SRGAP3: variants seen among roughly 807,000 people sequenced by gnomAD.
SRGAP3 encodes SLIT-ROBO Rho GTPase activating protein 3.
Under a neutral mutation model 121.1 loss-of-function variants are expected in SRGAP3, and 39 were observed. That is an observed-to-expected ratio of 0.32 (90% CI 0.25 to 0.42). SRGAP3 has a LOEUF of 0.42. Among genes scored for constraint, SRGAP3 ranks in the 10% least tolerant of loss-of-function variants. The pLI is 1.00. For missense variants in SRGAP3, 1,213 were observed against 1,470.6 expected (o/e 0.82, Z 2.86); for synonymous variants, 601 against 570.0 (o/e 1.05, Z -0.77).
intron 3 of SRGAP3, among the ~76,000 whole-genome samples, chr3:9,311,623 CAT>C (rs1185510588): frequency 2.6e-5 from 4 of 152,214 alleles, no homozygotes; most frequent in African/African-American, 9.6e-5. Context: ...ATCATTTTCA[CAT>C]GTCACAAAAT....
At chr3:9,185,676 C>T (rs1248876662) in intron 1 of SRGAP3, among the ~76,000 whole-genome samples, 5 of 151,958 alleles carry the variant, frequency 3.3e-5, no homozygotes, top group Non-Finnish European at 5.9e-5. Flanking sequence ...GGACTATAGG[C>T]GTGTGTCACT....
intron 4 of SRGAP3, among the ~76,000 whole-genome samples, chr3:9,078,919 G>GA (rs945581919): frequency 9.2e-5 from 14 of 152,016 alleles, no homozygotes; most frequent in East Asian, 3.9e-4. Flanking sequence ...TGAGGCCCAG[G>GA]AAAAAAAATG....
intron 21 of SRGAP3, among the ~76,000 whole-genome samples, chr3:8,986,911 A>G (rs1209221773): frequency 6.6e-6 from 1 of 152,206 alleles, no homozygotes; most frequent in Non-Finnish European, 1.5e-5. Context: ...TCACCATGCC[A>G]CAGGGCAGCT....
chr3:9,144,399 T>C (rs1024880802), intron 1 of SRGAP3, among the ~76,000 whole-genome samples: 1 of 152,346 alleles, frequency 6.6e-6, no homozygotes, highest in East Asian at 1.9e-4. Flanking sequence ...CTGATGCAGA[T>C]TCCTCTGCCT....
chr3:9,188,142 A>G (rs1288782495), intron 1 of SRGAP3, among the ~76,000 whole-genome samples: 1 of 152,232 alleles, frequency 6.6e-6, no homozygotes, highest in Non-Finnish European at 1.5e-5. Flanking sequence ...TTATACTTCA[A>G]TAACACAGAT....
intron 1 of SRGAP3, chr3:9,349,331 C>G (rs2029935102): frequency 5.0e-6 from 2 of 402,072 alleles, no homozygotes; most frequent in Non-Finnish European, 4.8e-6. Context: ...CCAGTGGCTC[C>G]CATTTTCATT....
At chr3:9,068,961 CA>C (rs971434437) in intron 4 of SRGAP3, among the ~76,000 whole-genome samples, 4 of 152,018 alleles carry the variant, frequency 2.6e-5, no homozygotes, top group Non-Finnish European at 4.4e-5. Flanking sequence ...ATTTATTTCT[CA>C]AAAAAACCCT....
intron 4 of SRGAP3, among the ~76,000 whole-genome samples, chr3:9,072,854 T>C (rs1456305978): frequency 1.3e-5 from 2 of 152,220 alleles, no homozygotes; most frequent in African/African-American, 2.4e-5. Context: ...AGTCAGGAGA[T>C]ATGCTTCTCT....
At chr3:9,211,665 C>CTT (rs1193329370) in intron 1 of SRGAP3, among the ~76,000 whole-genome samples, 8 of 121,138 alleles carry the variant, frequency 6.6e-5, no homozygotes, top group South Asian at 5.4e-4. Context: ...TCTTTCTTTT[C>CTT]TTTTTTTTTT....
Position 9,051,017 on chromosome 3 carries a change from CTTTTTTTTTTT to C in SRGAP3, c.1323+1999_1323+2009del, listed in dbSNP as rs71049766. 9.6e-3 allele frequency among the ~76,000 whole-genome samples: 787 copies of C among 81,838 alleles called. 5 individuals are homozygous for C. Among genetic ancestry groups the C allele is most frequent in the African/African-American group, 0.031 (750 of 24,016 alleles). 53.7% of individuals were successfully genotyped at this position (81,838 alleles called of 152,430 possible). On this transcript the variant is annotated intron_variant, in intron 9 of 21. Coordinates refer to ENST00000383836, the MANE Select transcript of SRGAP3 (RefSeq NM_014850.4). ...AATCCAATCAATATTAGCCTCATTG[CTTTTTTTTTTT>C]TTTTTTTTTTTTTTTTTTGAGACAG...
chr3:9,023,103 G>T (rs913304331), intron 14 of SRGAP3, among the ~76,000 whole-genome samples: 20 of 152,046 alleles, frequency 1.3e-4, no homozygotes, highest in African/African-American at 4.6e-4. Flanking sequence ...ATATGGAGAG[G>T]CAGGGAAATG....
At chr3:9,337,520 T>C (rs1955712643) in intron 1 of SRGAP3, 1 of 152,218 alleles carries the variant, frequency 6.6e-6, no homozygotes, top group Non-Finnish European at 1.5e-5. Flanking sequence ...CTGTTACTAC[T>C]GGATTGGGTT....
At chr3:9,214,764 T>A (rs573996726) in intron 1 of SRGAP3, among the ~76,000 whole-genome samples, 1 of 152,028 alleles carries the variant, frequency 6.6e-6, no homozygotes, top group African/African-American at 2.4e-5. Flanking sequence ...GTAAGAGAAA[T>A]AAAAAGAGTG....
At chr3:9,332,101 A>G (rs1193089435) in intron 1 of SRGAP3, among the ~76,000 whole-genome samples, 1 of 149,262 alleles carries the variant, frequency 6.7e-6, no homozygotes, top group Admixed American at 6.8e-5. Flanking sequence ...ATGTGGTACA[A>G]GCCCTTTCAT....
At chr3:9,297,110 C>G (rs1221505043) in intron 3 of SRGAP3, among the ~76,000 whole-genome samples, 2 of 152,240 alleles carry the variant, frequency 1.3e-5, no homozygotes, top group East Asian at 3.9e-4. Context: ...GTCTTGAACT[C>G]CTGGGTTCAA....
At chr3:9,361,948 C>G (rs967189206) in intron 1 of SRGAP3, among the ~76,000 whole-genome samples, 6 of 152,154 alleles carry the variant, frequency 3.9e-5, no homozygotes, top group Non-Finnish European at 7.4e-5. Context: ...ATGGGATCCA[C>G]AGAGAGGCAT....
At chr3:9,211,576 C>G (rs1275799816) in intron 1 of SRGAP3, among the ~76,000 whole-genome samples, 1 of 151,874 alleles carries the variant, frequency 6.6e-6, no homozygotes, top group East Asian at 1.9e-4. Context: ...CTCAGTTAAG[C>G]TGAAAAATAG....
intron 3 of SRGAP3, chr3:9,292,448 T>TCCAAAATAG (rs1364232093): frequency 6.6e-6 from 1 of 152,148 alleles, no homozygotes; most frequent in Non-Finnish European, 1.5e-5. Flanking sequence ...ACCTTACACT[T>TCCAAAATAG]CCAAAATAGT....
intron 2 of SRGAP3, among the ~76,000 whole-genome samples, chr3:9,327,082 T>C (rs1955532943): frequency 1.3e-5 from 2 of 151,964 alleles, no homozygotes. Context: ...AAATTTTATG[T>C]TTCCATTAGT....
Sources: allele counts gnomAD v4.1 joint callset (sites outside exome capture counted in the v4.1 genomes callset), GRCh38; gene constraint gnomAD v4.1.1; transcripts MANE v1.5; gene names NCBI Gene and HGNC (gene_info 2026-07-23, HGNC 2026-07-21).